The following PTPRG variants were observed in gnomAD, a reference collection of about 807,000 sequenced individuals.
PTPRG encodes protein tyrosine phosphatase receptor type G, also known as receptor-type tyrosine-protein phosphatase gamma.
In PTPRG, 102 loss-of-function variants were observed where a neutral mutation model predicts 165.3. The ratio of observed to expected loss-of-function variants is 0.62; its 90% CI spans 0.53 to 0.73. The LOEUF is 0.73. PTPRG is among the 30% of genes least tolerant of loss of function. The pLI, the probability that PTPRG is intolerant of heterozygous loss-of-function variation, is 0.00. For synonymous variants in PTPRG, 675 were observed against 669.5 expected, an observed-to-expected ratio of 1.01 and a Z score of -0.13; for missense variants, 1,866 against 1,861.4, an observed-to-expected ratio of 1.00 and a Z score of -0.05.
Position 62,203,964 on chromosome 3 carries a change from GTCT to G in PTPRG, c.2155+20_2155+22del. On this transcript the variant is annotated intron_variant, in intron 12 of 29. Coordinates refer to ENST00000474889, the MANE Select transcript of PTPRG (RefSeq NM_002841.4). The surrounding 1 kb of genome is among the most constrained non-coding windows in gnomAD (Gnocchi z 6.4). ...CTGTTAATCCAGGTAAGTGGTGCAGGTCTTCTTCGAGGGTTCCTGCTCCTGTGA... is the reference window on the plus strand; with the variant it reads ...CTGTTAATCCAGGTAAGTGGTGCAGGTCTTCGAGGGTTCCTGCTCCTGTGA... 6.5e-7 allele frequency: 1 copy of G among 1,536,208 alleles called. No homozygotes were observed. Among genetic ancestry groups the G allele is most frequent in the Non-Finnish European group, 8.8e-7 (1 of 1,139,698 alleles).
At chr3:62,045,882 G>A (rs1700273612) in intron 4 of PTPRG, among the ~76,000 whole-genome samples, 2 of 152,222 alleles carry the variant, frequency 1.3e-5, no homozygotes, top group Non-Finnish European at 2.9e-5. Context: ...ATGGGCAAAG[G>A]TGAGGCAAAG....
intron 1 of PTPRG, among the ~76,000 whole-genome samples, chr3:61,728,473 C>T (rs766015475): frequency 1.3e-5 from 2 of 152,012 alleles, no homozygotes; most frequent in Non-Finnish European, 2.9e-5. Flanking sequence ...GTCCCAGCTA[C>T]TCGGGAGGTT....
At chr3:61,593,813 A>T (rs1299515873) in intron 1 of PTPRG, among the ~76,000 whole-genome samples, 1 of 152,108 alleles carries the variant, frequency 6.6e-6, no homozygotes. Flanking sequence ...TGTTGCTACT[A>T]AATCTAATTA....
intron 26 of PTPRG, among the ~76,000 whole-genome samples, chr3:62,279,016 A>G (rs1431216387): frequency 1.3e-5 from 2 of 152,090 alleles, no homozygotes; most frequent in Non-Finnish European, 2.9e-5. Flanking sequence ...ATATAGGAAC[A>G]TGGCATCTCA....
At chr3:62,262,707 A>T (rs1701736501) in intron 16 of PTPRG, 91 bp from the exon 17 acceptor site, 3 of 784,282 alleles carry the variant, frequency 3.8e-6, no homozygotes, top group Non-Finnish European at 5.8e-6. Flanking sequence ...GGCTGTGGCC[A>T]GGGAGTGAGT....
chr3:61,970,325 T>C (rs890140029), intron 2 of PTPRG, among the ~76,000 whole-genome samples: 4 of 152,204 alleles, frequency 2.6e-5, no homozygotes, highest in African/African-American at 9.6e-5. Context: ...TAAGGAATTT[T>C]CCTTTCTTCT....
At chr3:61,938,455 T>A (rs1439635721) in intron 2 of PTPRG, among the ~76,000 whole-genome samples, 1 of 152,208 alleles carries the variant, frequency 6.6e-6, no homozygotes, top group Non-Finnish European at 1.5e-5. Context: ...TGAAATTTAT[T>A]ATGAATCAAA....
At chr3:61,974,623 G>C (rs893958916) in intron 2 of PTPRG, among the ~76,000 whole-genome samples, 9 of 152,054 alleles carry the variant, frequency 5.9e-5, no homozygotes, top group African/African-American at 1.9e-4. Context: ...CTGTCTTTAG[G>C]CAACAAAAGC....
chr3:62,196,322 G>T (rs1699962348), intron 10 of PTPRG, among the ~76,000 whole-genome samples: 1 of 152,046 alleles, frequency 6.6e-6, no homozygotes, highest in Non-Finnish European at 1.5e-5. Flanking sequence ...AGAATCACTT[G>T]AACCTGGAAG....
intron 1 of PTPRG, among the ~76,000 whole-genome samples, chr3:61,713,751 G>C (rs1451297616): frequency 1.3e-5 from 2 of 152,106 alleles, no homozygotes; most frequent in African/African-American, 4.8e-5. Flanking sequence ...CCCAATTTTT[G>C]GTTTGTAGAA....
chr3:61,658,284 T>G (rs1038004868), intron 1 of PTPRG, among the ~76,000 whole-genome samples: 5 of 152,178 alleles, frequency 3.3e-5, no homozygotes, highest in African/African-American at 4.8e-5. Flanking sequence ...AGCTGGACAT[T>G]ATGAATTCAG....
intron 8 of PTPRG, among the ~76,000 whole-genome samples, chr3:62,184,867 T>G (rs1705811192): frequency 6.6e-6 from 1 of 152,168 alleles, no homozygotes; most frequent in Admixed American, 6.5e-5. Context: ...TTTGGCCAGT[T>G]GCGTCGGGTG....
At chr3:61,866,505 G>C (rs199652171) in intron 2 of PTPRG, among the ~76,000 whole-genome samples, 1 of 151,692 alleles carries the variant, frequency 6.6e-6, no homozygotes, top group East Asian at 1.9e-4. Flanking sequence ...TAGGATGTGG[G>C]GGAGAGAGGT....
chr3:61,649,865 G>A (rs1192875691), intron 1 of PTPRG, among the ~76,000 whole-genome samples: 1 of 152,154 alleles, frequency 6.6e-6, no homozygotes, highest in Non-Finnish European at 1.5e-5. Context: ...TTGGTTTGGG[G>A]TTTGAATCCT....
chr3:61,607,200 G>A (rs2106862544), intron 1 of PTPRG, among the ~76,000 whole-genome samples: 1 of 152,264 alleles, frequency 6.6e-6, no homozygotes, highest in Admixed American at 6.5e-5. Flanking sequence ...GGTATTCTGT[G>A]TACCTCCTTC....
chr3:62,007,379 A>G (rs2041322551), intron 4 of PTPRG, among the ~76,000 whole-genome samples: 1 of 152,240 alleles, frequency 6.6e-6, no homozygotes, highest in Admixed American at 6.5e-5. Flanking sequence ...TTGTACAAAC[A>G]AAACAACAAA....
At chr3:62,057,399 T>C (rs961093069) in intron 4 of PTPRG, among the ~76,000 whole-genome samples, 1 of 152,208 alleles carries the variant, frequency 6.6e-6, no homozygotes, top group Non-Finnish European at 1.5e-5. Flanking sequence ...TCAAAAGAAG[T>C]GCTTTTCTGT....
chr3:62,096,164 G>T (rs1702101037), intron 5 of PTPRG, among the ~76,000 whole-genome samples: 3 of 152,114 alleles, frequency 2.0e-5, no homozygotes, highest in Non-Finnish European at 4.4e-5. Context: ...CGGGAAAAAT[G>T]ATATCTTTCT....
chr3:61,879,075 T>C (rs2037817684), intron 2 of PTPRG, among the ~76,000 whole-genome samples: 1 of 152,160 alleles, frequency 6.6e-6, no homozygotes, highest in African/African-American at 2.4e-5. Flanking sequence ...TAGGAACAAA[T>C]CCTGTGACAT....
Sources: allele counts gnomAD v4.1 joint callset (sites outside exome capture counted in the v4.1 genomes callset), GRCh38; gene constraint gnomAD v4.1.1; non-coding constraint Gnocchi (gnomAD v3.1); transcripts MANE v1.5; gene names NCBI Gene and HGNC (gene_info 2026-07-23, HGNC 2026-07-21).